The following EHMT1 variants were observed in gnomAD, a reference collection of about 807,000 sequenced individuals.
EHMT1 encodes euchromatic histone lysine methyltransferase 1.
EHMT1 carries 15 observed loss-of-function variants against 147.2 expected under a neutral mutation model. That is an observed-to-expected ratio of 0.10 (90% CI 0.07 to 0.16). The LOEUF (loss-of-function observed/expected upper bound fraction) is 0.16. Among genes scored for constraint, EHMT1 ranks in the 10% least tolerant of loss-of-function variants. The pLI, the probability that EHMT1 is intolerant of heterozygous loss-of-function variation, is 1.00. For synonymous variants in EHMT1, 795 were observed against 709.6 expected (o/e 1.12, Z -1.91); for missense variants, 1,587 against 1,772.4 (o/e 0.90, Z 1.88).
chr9:137,714,383 T>C (rs1214218723), intron 2 of EHMT1, among the ~76,000 whole-genome samples: 3 of 152,108 alleles, frequency 2.0e-5, no homozygotes, highest in Non-Finnish European at 4.4e-5. Flanking sequence ...AATGAGATGC[T>C]TGTGTGGTTT....
At chr9:137,810,981 G>A (rs1179040221) in intron 18 of EHMT1, among the ~76,000 whole-genome samples, 1 of 152,130 alleles carries the variant, frequency 6.6e-6, no homozygotes, top group South Asian at 2.1e-4. Flanking sequence ...GATTACAGGC[G>A]TGAGCCACCA....
Position 137,787,974 on chromosome 9 carries a change from C to T in EHMT1, c.2383-2874C>T. 6.7e-7 allele frequency: 1 copy of T among 1,486,238 alleles called. No individual in the cohort carries two copies. The highest frequency in any genetic ancestry group is 9.3e-7 in the Non-Finnish European group (1 of 1,072,020). The allele number at this position is 1,486,238 out of a possible 1,614,324, so 92.1% of individuals were successfully genotyped here. A position where few individuals can be genotyped will look rare whatever the true frequency, so the allele number is the denominator to read the frequency against. On this transcript the variant is annotated intron_variant, in intron 15 of 26. Coordinates refer to ENST00000460843, the MANE Select transcript of EHMT1 (RefSeq NM_024757.5). The surrounding 1 kb of genome is among the most constrained non-coding windows in gnomAD (Gnocchi z 4.2). ...CCTGTGTCCCCCACTGGACAGCCCCCCAGGAACTGAGGTGCCCTGCAGTAA... is the reference window on the plus strand; with the variant it reads ...CCTGTGTCCCCCACTGGACAGCCCCTCAGGAACTGAGGTGCCCTGCAGTAA...
chr9:137,647,647 T>C (rs891473036), intron 1 of EHMT1, among the ~76,000 whole-genome samples: 6 of 146,778 alleles, frequency 4.1e-5, no homozygotes, highest in African/African-American at 1.5e-4. Context: ...CAGGCTGGAG[T>C]GCAGTGGTGC....
At chr9:137,698,127 AGT>A (rs1219906162) in intron 1 of EHMT1, among the ~76,000 whole-genome samples, 33 of 152,324 alleles carry the variant, frequency 2.2e-4, no homozygotes, top group Non-Finnish European at 5.9e-5. Flanking sequence ...GCAGAGACAC[AGT>A]GTGGAAACGG....
intron 18 of EHMT1, among the ~76,000 whole-genome samples, chr9:137,806,508 C>G (rs758164870): frequency 6.6e-6 from 1 of 151,672 alleles, no homozygotes; most frequent in Non-Finnish European, 1.5e-5. Context: ...TATCTTGGCT[C>G]ACTGCAACCG....
chr9:137,654,109 C>T (rs527258397), intron 1 of EHMT1, among the ~76,000 whole-genome samples: 6 of 152,194 alleles, frequency 3.9e-5, no homozygotes, highest in East Asian at 3.9e-4. Flanking sequence ...AGGCTGGGCG[C>T]GGTGGCTCAC....
Position 137,778,064 on chromosome 9 carries a change from T to C in EHMT1, c.2192+9T>C. The stretch of plus-strand genomic sequence containing the variant: ...GCCCTCGACTCGGAAAAGTAAGACC[T>C]GACATGTGATTTCAGAGATGTCTCA... On this transcript the variant is annotated intron_variant, in intron 13 of 26. Transcript: ENST00000460843. 6.2e-7 allele frequency: 1 copy of C among 1,613,830 alleles called. No homozygotes were observed. The highest frequency in any genetic ancestry group is 8.5e-7 in the Non-Finnish European group (1 of 1,180,030).
intron 24 of EHMT1, 186 bp from the exon 25 acceptor site, chr9:137,817,874 T>C: frequency 1.5e-6 from 1 of 660,612 alleles, no homozygotes; most frequent in East Asian, 2.7e-5. Context: ...GGTATCGTTA[T>C]CATCATCCTC....
At chr9:137,650,274 A>AT (rs1254256244) in intron 1 of EHMT1, among the ~76,000 whole-genome samples, 1 of 151,740 alleles carries the variant, frequency 6.6e-6, no homozygotes, top group Non-Finnish European at 1.5e-5. Context: ...TAATTTAAAC[A>AT]TTTTTTTTAG....
chr9:137,645,672 G>A (rs560063291), intron 1 of EHMT1, among the ~76,000 whole-genome samples: 6 of 152,216 alleles, frequency 3.9e-5, no homozygotes, highest in Admixed American at 2.6e-4. Context: ...TTTTTCACTC[G>A]ATTCCAAATG....
intron 9 of EHMT1, among the ~76,000 whole-genome samples, chr9:137,760,734 G>A (rs1327624548): frequency 6.6e-6 from 1 of 152,214 alleles, no homozygotes; most frequent in African/African-American, 2.4e-5. Context: ...TAAGAGGCTG[G>A]CAGGGCGGCT....
chr9:137,633,553 T>A (rs1843763209), intron 1 of EHMT1, among the ~76,000 whole-genome samples: 1 of 152,194 alleles, frequency 6.6e-6, no homozygotes, highest in African/African-American at 2.4e-5. Context: ...GATTTATTTT[T>A]ATTGAGATGT....
intron 1 of EHMT1, among the ~76,000 whole-genome samples, chr9:137,648,634 G>A (rs1396302143): frequency 6.6e-6 from 1 of 152,140 alleles, no homozygotes; most frequent in Admixed American, 6.5e-5. Context: ...CAGGGCATTC[G>A]AGCACTTGGA....
chr9:137,687,032 C>CTT (rs1942515082), intron 1 of EHMT1, among the ~76,000 whole-genome samples: 1 of 152,282 alleles, frequency 6.6e-6, no homozygotes, highest in South Asian at 2.1e-4. Context: ...CTGGCCCCAA[C>CTT]TTCATTCTTT....
chr9:137,739,776 CT>C (rs1471968389), intron 4 of EHMT1, among the ~76,000 whole-genome samples: 2 of 152,218 alleles, frequency 1.3e-5, no homozygotes, highest in African/African-American at 4.8e-5. Context: ...GCTTTGTGAG[CT>C]TGGAGTGTTC....
At chr9:137,823,100 GTT>G (rs56014052) in intron 25 of EHMT1, among the ~76,000 whole-genome samples, 2 of 111,154 alleles carry the variant, frequency 1.8e-5, no homozygotes, top group Non-Finnish European at 1.8e-5. Flanking sequence ...CTGGCTAATT[GTT>G]TTTTTTTTTT....
intron 1 of EHMT1, among the ~76,000 whole-genome samples, chr9:137,669,321 G>GC (rs1564562269): frequency 7.5e-6 from 1 of 132,890 alleles, no homozygotes; most frequent in Non-Finnish European, 1.6e-5. Flanking sequence ...CTGGAAAGAC[G>GC]CCCCCACAGC....
At chr9:137,778,381 G>A (rs1048024371) in intron 13 of EHMT1, among the ~76,000 whole-genome samples, 6 of 152,164 alleles carry the variant, frequency 3.9e-5, no homozygotes, top group Admixed American at 6.5e-5. Context: ...CCTTGACTCC[G>A]TTTCCCTCCC....
At chr9:137,762,532 A>G in intron 9 of EHMT1, 143 bp from the exon 10 acceptor site, 1 of 1,424,390 alleles carries the variant, frequency 7.0e-7, no homozygotes, top group South Asian at 1.2e-5. Context: ...CGCCCCACGC[A>G]GGGCTGTTTG....
Sources: allele counts gnomAD v4.1 joint callset (sites outside exome capture counted in the v4.1 genomes callset), GRCh38; gene constraint gnomAD v4.1.1; non-coding constraint Gnocchi (gnomAD v3.1); transcripts MANE v1.5; gene names NCBI Gene and HGNC (gene_info 2026-07-23, HGNC 2026-07-21).